Variants in GRIN2B observed in about 807,000 individuals in gnomAD.
GRIN2B encodes the protein glutamate receptor ionotropic, NMDA 2B.
Under a neutral mutation model 114.5 loss-of-function variants are expected in GRIN2B, and 5 were observed. That is an observed-to-expected ratio of 0.04 (90% CI 0.02 to 0.09). The LOEUF (loss-of-function observed/expected upper bound fraction) is 0.09. Ranked by LOEUF, GRIN2B falls within the 10% of genes least tolerant of loss-of-function variation. GRIN2B has a pLI of 1.00. For missense variants in GRIN2B, 1,108 were observed against 1,943.5 expected (o/e 0.57, Z 8.08); for synonymous variants, 787 against 745.1 (o/e 1.06, Z -0.92).
At chr12:13,607,305 T>TATA (rs1949275617) in intron 10 of GRIN2B, among the ~76,000 whole-genome samples, 1 of 66,038 alleles carries the variant, frequency 1.5e-5, no homozygotes, top group Non-Finnish European at 2.8e-5. Flanking sequence ...AAAATATATA[T>TATA]TATATATAAT....
In GRIN2B at chr12:13,890,918, G is replaced by A. The variant is rs554256191; in HGVS notation, c.-18-24692C>T. Among the ~76,000 whole-genome samples the A allele has an allele frequency of 5.0e-4, 76 of 152,278 alleles. No homozygotes were observed. In the South Asian group the frequency reaches 0.016, roughly 31 times the overall value. The stretch of plus-strand genomic sequence containing the variant: ...GAGGCTGCAAAGTCCAGTGGGCCCG[G>A]AACCCATCTGAGCAGGTTTCCTCTG... On this transcript the variant is annotated intron_variant, in intron 2 of 13. Coordinates refer to ENST00000609686, the MANE Select transcript of GRIN2B (RefSeq NM_000834.5).
chr12:13,866,448 G>C (rs758148317), intron 2 of GRIN2B, among the ~76,000 whole-genome samples: 1 of 152,148 alleles, frequency 6.6e-6, no homozygotes, highest in African/African-American at 2.4e-5. Context: ...GGCAATAAAA[G>C]GTGCTATTGC....
chr12:13,768,867 TACTA>T (rs1319607545), intron 3 of GRIN2B, among the ~76,000 whole-genome samples: 5 of 152,130 alleles, frequency 3.3e-5, no homozygotes, highest in Admixed American at 3.3e-4. Context: ...ACACCGTCTC[TACTA>T]AAAATACAAA....
chr12:13,544,662 A>G lies in GRIN2B; in HGVS notation c.*18121T>C, dbSNP rs1948321919. The stretch of plus-strand genomic sequence containing the variant: ...TCCAAACTTTCAATAGCTCAGGCCA[A>G]ACATTCTAAGGTTATTCTTAAGATT... On this transcript the variant is annotated 3_prime_UTR_variant, in exon 14 of 14. Coordinates refer to ENST00000609686, the MANE Select transcript of GRIN2B (RefSeq NM_000834.5). 2 of 152,170 alleles carry G rather than the reference A, an allele frequency of 1.3e-5. No homozygotes were observed. The highest frequency in any genetic ancestry group is 1.3e-4 in the Admixed American group (2 of 15,268). 9.4% of individuals were successfully genotyped at this position (152,170 alleles called of 1,614,324 possible). A position where few individuals can be genotyped will look rare whatever the true frequency, so the allele number is the denominator to read the frequency against.
At chr12:13,729,288 C>A (rs1214340814) in intron 4 of GRIN2B, among the ~76,000 whole-genome samples, 3 of 152,124 alleles carry the variant, frequency 2.0e-5, no homozygotes, top group African/African-American at 7.2e-5. Context: ...CTCTTTATCA[C>A]AAATAATGCA....
intron 2 of GRIN2B, among the ~76,000 whole-genome samples, chr12:13,882,715 A>G (rs1866089736): frequency 6.6e-6 from 1 of 152,264 alleles, no homozygotes; most frequent in African/African-American, 2.4e-5. Context: ...TCATTTATGT[A>G]TACATCAGTA....
At chr12:13,777,624 G>A (rs1023017981) in intron 3 of GRIN2B, among the ~76,000 whole-genome samples, 4 of 152,232 alleles carry the variant, frequency 2.6e-5, no homozygotes, top group Non-Finnish European at 5.9e-5. Context: ...AACGCTTGGT[G>A]CCTTTCCATC....
At chr12:13,697,392 C>T (rs573825343) in intron 4 of GRIN2B, among the ~76,000 whole-genome samples, 6 of 152,256 alleles carry the variant, frequency 3.9e-5, no homozygotes, top group South Asian at 2.1e-4. Context: ...TAGCTGAGTC[C>T]GTATCCCTAC....
At chr12:13,834,020 C>CTTTTTTTT (rs71067731) in intron 3 of GRIN2B, among the ~76,000 whole-genome samples, 3 of 72,540 alleles carry the variant, frequency 4.1e-5, no homozygotes, top group South Asian at 8.2e-4. Flanking sequence ...TTGCTAACTT[C>CTTTTTTTT]TTTTTTTTTT....
intron 2 of GRIN2B, among the ~76,000 whole-genome samples, chr12:13,915,167 C>A (rs1363669719): frequency 6.6e-6 from 1 of 152,156 alleles, no homozygotes; most frequent in Non-Finnish European, 1.5e-5. Flanking sequence ...ACATATACCC[C>A]CAAAATATGT....
intron 2 of GRIN2B, among the ~76,000 whole-genome samples, chr12:13,974,827 G>C (rs1050229139): frequency 2.0e-5 from 3 of 151,686 alleles, no homozygotes; most frequent in African/African-American, 7.3e-5. Context: ...AAATGTTGTT[G>C]AATAATTGAA....
chr12:13,829,674 A>G (rs1865112357), intron 3 of GRIN2B, among the ~76,000 whole-genome samples: 1 of 152,178 alleles, frequency 6.6e-6, no homozygotes, highest in Non-Finnish European at 1.5e-5. Flanking sequence ...GTCCATTTCT[A>G]AGAGGGTGAT....
intron 1 of GRIN2B, among the ~76,000 whole-genome samples, chr12:13,981,122 C>A (rs1863129926): frequency 6.6e-6 from 1 of 151,360 alleles, no homozygotes; most frequent in Admixed American, 6.6e-5. Context: ...CCCAAAAGAC[C>A]AGAGACAGCC....
Position 13,552,557 on chromosome 12 carries a change from G to A in GRIN2B, c.*10226C>T, listed in dbSNP as rs1455110984. On this transcript the variant is annotated 3_prime_UTR_variant, in exon 14 of 14. Transcript: ENST00000609686. The stretch of plus-strand genomic sequence containing the variant: ...TCATGGCTAAAATGCCTAGAATTTT[G>A]GTCCATTTATTGGCCCAAATGAGAT... The A allele has an allele frequency of 6.6e-6, 1 of 151,866 alleles. No individual in the cohort carries two copies. The highest frequency in any genetic ancestry group is 1.5e-5 in the Non-Finnish European group (1 of 67,996). The allele number at this position is 151,866 out of a possible 1,614,324, so 9.4% of individuals were successfully genotyped here.
At chr12:13,757,496 G>C (rs1291321015) in intron 3 of GRIN2B, among the ~76,000 whole-genome samples, 3 of 152,096 alleles carry the variant, frequency 2.0e-5, no homozygotes, top group African/African-American at 7.3e-5. Context: ...AAGTTATCGA[G>C]GATGAAGGAC....
chr12:13,903,357 A>G (rs1866486665), intron 2 of GRIN2B, among the ~76,000 whole-genome samples: 2 of 152,112 alleles, frequency 1.3e-5, no homozygotes, highest in Non-Finnish European at 2.9e-5. Flanking sequence ...AATATAAGCT[A>G]TAAAGACCAT....
intron 10 of GRIN2B, among the ~76,000 whole-genome samples, chr12:13,591,080 T>C (rs1949002987): frequency 1.3e-5 from 2 of 152,166 alleles, no homozygotes; most frequent in Admixed American, 6.6e-5. Context: ...GAGCCAGAGC[T>C]AGTTTCAAGG....
At chr12:13,874,903 A>C (rs1865971279) in intron 2 of GRIN2B, among the ~76,000 whole-genome samples, 1 of 152,134 alleles carries the variant, frequency 6.6e-6, no homozygotes, top group African/African-American at 2.4e-5. Flanking sequence ...CTACCCAGAA[A>C]ACAGTGGTGT....
At chr12:13,866,535 G>A (rs1275253214) in intron 2 of GRIN2B, among the ~76,000 whole-genome samples, 1 of 152,182 alleles carries the variant, frequency 6.6e-6, no homozygotes, top group African/African-American at 2.4e-5. Flanking sequence ...ATGCGAGTAT[G>A]CATACACAAA....
Sources: gnomAD v4.1 joint callset for allele counts (sites outside exome capture counted in the v4.1 genomes callset) on GRCh38, gnomAD v4.1.1 for gene constraint, MANE v1.5 for transcripts, NCBI Gene and HGNC (gene_info 2026-07-23, HGNC 2026-07-21) for gene names.